TPP2: variants seen among roughly 807,000 people sequenced by gnomAD.
The protein encoded by TPP2 is tripeptidyl peptidase 2.
TPP2 carries 34 observed loss-of-function variants against 155.9 expected under a neutral mutation model. The ratio of observed to expected loss-of-function variants is 0.22; its 90% CI spans 0.17 to 0.29. TPP2 has a LOEUF of 0.29. Among genes scored for constraint, TPP2 ranks in the 10% least tolerant of loss-of-function variants. The pLI is 1.00. For synonymous variants in TPP2, 510 were observed against 529.4 expected, an observed-to-expected ratio of 0.96 and a Z score of 0.50; for missense variants, 1,028 against 1,522.3, an observed-to-expected ratio of 0.68 and a Z score of 5.40.
At chr13:102,652,331 G>A (rs540521219) in intron 24 of TPP2, among the ~76,000 whole-genome samples, 18 of 143,192 alleles carry the variant, frequency 1.3e-4, no homozygotes, top group African/African-American at 4.6e-4. Flanking sequence ...AGTAAGCTGA[G>A]ATCACACCAC....
chr13:102,653,428 T>A (rs2442708), intron 24 of TPP2, among the ~76,000 whole-genome samples: 75,355 of 151,924 alleles, frequency 0.5, 19,081 homozygotes, highest in African/African-American at 0.6. Flanking sequence ...AGTCTCACTC[T>A]ACACTCCAGG....
Position 102,604,840 on chromosome 13 carries a change from A to G in TPP2, c.213A>G (p.Thr71=). The G allele has an allele frequency of 6.2e-7, 1 of 1,614,016 alleles. No homozygotes were observed. Among genetic ancestry groups the G allele is most frequent in the South Asian group, 1.1e-5 (1 of 91,030 alleles). Residue 71 remains threonine, a synonymous_variant, in exon 2 of 30, where the codon ACA becomes ACG. Coordinates refer to ENST00000376052, the MANE Select transcript of TPP2 (RefSeq NM_001330588.2). ...KPKIVDIIDT[T]GSGDVNTATE... ...AAATCGTTGATATCATTGATACAAC[A>G]GGAAGTGGCGATGTGAATACTGCTA...
Position 102,630,153 on chromosome 13 carries a change from A to G in TPP2, c.1202A>G (p.Lys401Arg), listed in dbSNP as rs1234202621. The G allele has an allele frequency of 2.5e-6, 4 of 1,613,552 alleles. No individual in the cohort carries two copies. The African/African-American group carries it at 5.3e-5, about 22-fold the overall frequency. Reference sequence around the variant, plus strand: ...GTTGCTGAGTATTCACTGAGAGAGAAATTACCTGCAAATCAATATACTTGG... The same window carrying G: ...GTTGCTGAGTATTCACTGAGAGAGAGATTACCTGCAAATCAATATACTTGG... ...MMVAEYSLRE[K>R]LPANQYTWSS... The change falls in exon 10 of 30, where the codon AAA becomes AGA. Residue 401 changes from lysine (K) to arginine (R), a missense_variant. By Grantham distance (26) the Lys-to-Arg change is conservative. Around this residue, in one of 7 missense-constraint regions of TPP2, gnomAD observed 63 missense variants for 165.7 expected, o/e 0.38. Coordinates refer to ENST00000376052, the MANE Select transcript of TPP2 (RefSeq NM_001330588.2).
intron 1 of TPP2, among the ~76,000 whole-genome samples, chr13:102,604,246 C>T (rs1879647671): frequency 6.6e-6 from 1 of 152,132 alleles, no homozygotes; most frequent in South Asian, 2.1e-4. Context: ...CAGCCCACAG[C>T]TCACCATCTT....
At chr13:102,614,224 T>A (rs2069628264) in intron 3 of TPP2, 28 bp downstream of exon 3, 1 of 1,516,354 alleles carries the variant, frequency 6.6e-7, no homozygotes, top group African/African-American at 1.4e-5. Flanking sequence ...ACCAATGAGT[T>A]GTATTCTTCT....
At chr13:102,646,455 G>T in intron 20 of TPP2, 65 bp downstream of exon 20, 1 of 1,313,914 alleles carries the variant, frequency 7.6e-7, no homozygotes, top group Non-Finnish European at 1.1e-6. Context: ...ATGATTCATA[G>T]AATCAAAAAT....
At chr13:102,629,719 A>G (rs1422865495) in intron 9 of TPP2, 110 bp downstream of exon 9, 2 of 1,365,284 alleles carry the variant, frequency 1.5e-6, no homozygotes, top group Non-Finnish European at 1.9e-6. Flanking sequence ...TGTACACCTT[A>G]AGTGTGTCCT....
intron 24 of TPP2, chr13:102,655,078 G>A: frequency 2.1e-6 from 1 of 472,952 alleles, no homozygotes; most frequent in South Asian, 1.5e-5. Flanking sequence ...GCTACAAATG[G>A]ATTTATATGG....
chr13:102,652,824 C>T (rs1157246842), intron 24 of TPP2, among the ~76,000 whole-genome samples: 1 of 152,068 alleles, frequency 6.6e-6, no homozygotes, highest in African/African-American at 2.4e-5. Flanking sequence ...TAGGAAATGT[C>T]AGTTCATCAG....
chr13:102,642,731 G>A (rs1006763044), intron 16 of TPP2, among the ~76,000 whole-genome samples: 7 of 152,144 alleles, frequency 4.6e-5, no homozygotes, highest in South Asian at 2.1e-4. Flanking sequence ...ATAAGTAGTC[G>A]TGCCAGGCTT....
Position 102,651,383 on chromosome 13 carries a change from G to A in TPP2, c.2977G>A (p.Gly993Arg), listed in dbSNP as rs1281460029. ...GGGGCAGTCTGCAGCAAAACGACAAGGAAAATTTAAAAAGGTACTGATTGT... is the reference window on the plus strand; with the variant it reads ...GGGGCAGTCTGCAGCAAAACGACAAAGAAAATTTAAAAAGGTACTGATTGT... ...KAGQSAAKRQ[G>R]KFKKDVIPVH... is the part of the protein sequence containing the mutation. Residue 993 changes from glycine to arginine, a missense_variant, in exon 24 of 30, where the codon GGA becomes AGA. Gly to Arg is a moderately radical substitution (Grantham distance 125). Coordinates refer to ENST00000376052, the MANE Select transcript of TPP2 (RefSeq NM_001330588.2). 4 of 1,581,744 alleles carry A rather than the reference G, an allele frequency of 2.5e-6. No homozygotes were observed. Among genetic ancestry groups the A allele is most frequent in the Non-Finnish European group, 2.6e-6 (3 of 1,163,018 alleles).
intron 16 of TPP2, among the ~76,000 whole-genome samples, chr13:102,641,454 A>C (rs753510081): frequency 3.3e-5 from 5 of 152,218 alleles, no homozygotes; most frequent in Non-Finnish European, 5.9e-5. Context: ...ATTAGTAAAA[A>C]TGGCTTGTAT....
intron 2 of TPP2, among the ~76,000 whole-genome samples, chr13:102,611,810 C>T (rs1318725859): frequency 1.3e-5 from 2 of 152,286 alleles, no homozygotes; most frequent in East Asian, 3.9e-4. Context: ...ATTTTATATG[C>T]TTAGTTTGAA....
intron 19 of TPP2, among the ~76,000 whole-genome samples, chr13:102,645,272 C>A (rs755533038): frequency 6.6e-6 from 1 of 152,144 alleles, no homozygotes; most frequent in African/African-American, 2.4e-5. Context: ...CTTTTTATTT[C>A]TTGCTGTAAA....
chr13:102,621,778 G>A (rs1228073961), intron 5 of TPP2, among the ~76,000 whole-genome samples: 1 of 152,176 alleles, frequency 6.6e-6, no homozygotes, highest in East Asian at 1.9e-4. Context: ...ATGGGCTGGG[G>A]GAAGAACAGA....
At chr13:102,675,807 A>G (rs1347714405) in intron 28 of TPP2, among the ~76,000 whole-genome samples, 1 of 152,200 alleles carries the variant, frequency 6.6e-6, no homozygotes, top group Non-Finnish European at 1.5e-5. Context: ...CTTTGAGTAC[A>G]TTCTCCACAT....
rs3831119 is a variant in TPP2, at chr13:102,643,201, CTTCTTTCT to C, written c.2021-15_2021-8del. On this transcript the variant is annotated splice_polypyrimidine_tract_variant and intron_variant, in intron 16 of 29. Coordinates refer to ENST00000376052, the MANE Select transcript of TPP2 (RefSeq NM_001330588.2). The stretch of plus-strand genomic sequence containing the variant: ...TAGGTCTTATAAGTTTAAAGCTTTG[CTTCTTTCT>C]TTCTTATTTTAGAAGTGACAGTGTG... 5.1e-6 allele frequency: 8 copies of C among 1,569,420 alleles called. No homozygotes were observed. The highest frequency in any genetic ancestry group is 6.9e-6 in the Non-Finnish European group (8 of 1,164,364).
At chr13:102,618,147 G>A (rs1340107134) in intron 4 of TPP2, among the ~76,000 whole-genome samples, 5 of 152,106 alleles carry the variant, frequency 3.3e-5, no homozygotes, top group Non-Finnish European at 7.3e-5. Flanking sequence ...TAGTGTGTAC[G>A]TAATCGAATT....
intron 24 of TPP2, chr13:102,655,121 A>G (rs966246464): frequency 8.8e-6 from 4 of 457,120 alleles, no homozygotes; most frequent in Non-Finnish European, 1.8e-5. Context: ...TCTGTGCTTT[A>G]AATGAGTCAG....
Sources: gnomAD v4.1 joint callset for allele counts (sites outside exome capture counted in the v4.1 genomes callset) on GRCh38, gnomAD v4.1.1 for gene constraint, gnomAD v4.1.1 regional missense constraint, MANE v1.5 for transcripts, NCBI Gene and HGNC (gene_info 2026-07-23, HGNC 2026-07-21) for gene names.